The following CPNE5 variants were observed in gnomAD, a reference collection of about 807,000 sequenced individuals.
CPNE5 encodes the protein copine 5, also known as copine-5.
CPNE5 carries 42 observed loss-of-function variants against 81.1 expected under a neutral mutation model. The observed-to-expected ratio is 0.52, with a 90% CI of 0.40 to 0.67. The LOEUF (loss-of-function observed/expected upper bound fraction) is 0.67. CPNE5 is among the 30% of genes least tolerant of loss of function. The pLI is 0.00. For missense variants in CPNE5, 612 were observed against 815.5 expected, an observed-to-expected ratio of 0.75 and a Z score of 3.04; for synonymous variants, 313 against 321.5, an observed-to-expected ratio of 0.97 and a Z score of 0.28.
At position 36,767,078 on chromosome 6, in the gene CPNE5, A is replaced by G. The variant is rs138434100; in HGVS notation, c.738-1702T>C. 2.1e-3 allele frequency among the ~76,000 whole-genome samples: 316 copies of G among 151,950 alleles called. 2 individuals carry two copies. Among genetic ancestry groups the G allele is most frequent in the African/African-American group, 7.2e-3 (297 of 41,426 alleles). Reference sequence around the variant, plus strand: ...ACCATGTTGGCCAGGCTGGCCTCGAACTCCTGACCTCAAGTGATCCACCCG... The same window carrying G: ...ACCATGTTGGCCAGGCTGGCCTCGAGCTCCTGACCTCAAGTGATCCACCCG... On this transcript the variant is annotated intron_variant, in intron 10 of 20. Coordinates refer to ENST00000244751, the MANE Select transcript of CPNE5 (RefSeq NM_020939.2).
chr6:36,795,632 A>G (rs1027962012), intron 6 of CPNE5, among the ~76,000 whole-genome samples: 2 of 152,220 alleles, frequency 1.3e-5, no homozygotes, highest in African/African-American at 4.8e-5. Context: ...GAAAAAGAAG[A>G]CAGCCATCCT....
chr6:36,808,450 G>A (rs1770797440), intron 3 of CPNE5, among the ~76,000 whole-genome samples: 1 of 152,112 alleles, frequency 6.6e-6, no homozygotes, highest in Non-Finnish European at 1.5e-5. Context: ...CCCACCAGCT[G>A]GGAGGCAGCA....
At chr6:36,744,162 G>C in intron 19 of CPNE5, 106 bp downstream of exon 19, 1 of 935,724 alleles carries the variant, frequency 1.1e-6, no homozygotes, top group South Asian at 1.4e-5. Context: ...ACTCTTTTGG[G>C]AGGGGTCATT....
intron 6 of CPNE5, among the ~76,000 whole-genome samples, chr6:36,797,353 G>A (rs572320009): frequency 5.3e-4 from 81 of 152,366 alleles, no homozygotes; most frequent in African/African-American, 1.9e-3. Flanking sequence ...CTGCCCACGA[G>A]TGTCAACCTA....
intron 3 of CPNE5, among the ~76,000 whole-genome samples, chr6:36,807,145 G>C (rs180925759): frequency 1.3e-5 from 2 of 152,340 alleles, no homozygotes; most frequent in East Asian, 3.9e-4. Flanking sequence ...TTCTCAGAGG[G>C]AAGCACGTCT....
chr6:36,759,656 G>A (rs950972615), intron 12 of CPNE5, among the ~76,000 whole-genome samples: 7 of 152,092 alleles, frequency 4.6e-5, no homozygotes, highest in South Asian at 2.1e-4. Flanking sequence ...GGGGTGGGGC[G>A]GGTGTGCAGG....
intron 4 of CPNE5, among the ~76,000 whole-genome samples, chr6:36,799,749 C>T (rs1053192115): frequency 3.9e-5 from 6 of 152,192 alleles, no homozygotes; most frequent in Non-Finnish European, 5.9e-5. Context: ...TTAACTGAGA[C>T]GAACTGGGGT....
intron 8 of CPNE5, among the ~76,000 whole-genome samples, chr6:36,781,157 C>T (rs1219407699): frequency 3.3e-5 from 5 of 152,114 alleles, no homozygotes; most frequent in Admixed American, 3.3e-4. Flanking sequence ...GACAGAATGA[C>T]CTGCCCAAGG....
intron 15 of CPNE5, among the ~76,000 whole-genome samples, chr6:36,747,151 T>C (rs1223931338): frequency 2.0e-5 from 3 of 152,150 alleles, no homozygotes; most frequent in Non-Finnish European, 4.4e-5. Context: ...CCTCTTCAGG[T>C]CTCTGCTCAA....
At chr6:36,836,645 G>C (rs1248386662) in intron 1 of CPNE5, among the ~76,000 whole-genome samples, 3 of 152,154 alleles carry the variant, frequency 2.0e-5, no homozygotes, top group Non-Finnish European at 2.9e-5. Context: ...GGGTGCAGTG[G>C]GGAGGGACTT....
At chr6:36,787,912 T>C (rs1768716014) in intron 8 of CPNE5, among the ~76,000 whole-genome samples, 1 of 151,886 alleles carries the variant, frequency 6.6e-6, no homozygotes, top group Non-Finnish European at 1.5e-5. Context: ...AGCCGGGAAG[T>C]CCTGACTCCA....
intron 9 of CPNE5, among the ~76,000 whole-genome samples, chr6:36,778,397 G>T (rs1296280015): frequency 6.6e-6 from 1 of 152,208 alleles, no homozygotes; most frequent in Non-Finnish European, 1.5e-5. Context: ...GTCCAGACTG[G>T]CCCTGTTGTG....
intron 2 of CPNE5, among the ~76,000 whole-genome samples, chr6:36,822,818 T>C (rs770422757): frequency 1.3e-5 from 2 of 152,086 alleles, no homozygotes; most frequent in Non-Finnish European, 2.9e-5. Context: ...GCCCCAGACC[T>C]CCAACCCCTC....
intron 4 of CPNE5, 59 bp downstream of exon 4, chr6:36,799,908 T>C: frequency 7.9e-7 from 1 of 1,271,590 alleles, no homozygotes; most frequent in African/African-American, 1.5e-5. Context: ...TCTGTGGTCC[T>C]ACCTGCCAGC....
intron 19 of CPNE5, 127 bp downstream of exon 19, chr6:36,744,141 C>A (rs921192105): frequency 7.5e-6 from 6 of 798,422 alleles, no homozygotes; most frequent in African/African-American, 3.4e-5. Flanking sequence ...CACGCCCAGG[C>A]GGGAGCTCTC....
chr6:36,798,384 G>A, intron 5 of CPNE5, 71 bp downstream of exon 5: 2 of 1,555,660 alleles, frequency 1.3e-6, no homozygotes, highest in Admixed American at 1.7e-5. Flanking sequence ...TCACAGCAAA[G>A]CCCCAGGCTC....
In CPNE5 at chr6:36,774,986, C is replaced by A; in HGVS notation, c.712G>T (p.Ala238Ser). 1 of 1,614,080 alleles carries A rather than the reference C, an allele frequency of 6.2e-7. No homozygotes were observed. ...CGATCGTAGTCGCCGTTGCAGAGGG[C>A]TCTCACGGGAATGGAGAAAGTTTGC... Reference protein sequence around the residue: ...VWQTFSIPVRALCNGDYDRTI... With the variant: ...VWQTFSIPVRSLCNGDYDRTI... Residue 238 changes from alanine (A) to serine (S), a missense_variant, in exon 10 of 21, where the codon GCC (alanine) becomes TCC (serine). Ala to Ser is a moderately conservative substitution (Grantham distance 99). Coordinates refer to ENST00000244751, the MANE Select transcript of CPNE5 (RefSeq NM_020939.2).
Position 36,746,463 on chromosome 6 carries a change from A to C in CPNE5, c.1133T>G (p.Met378Arg). ...GGCCCCGAAGCCCAGGGCAGGGAACATCTTGTCACTGTCGTAGTGCTGGAT... is the reference window on the plus strand; with the variant it reads ...GGCCCCGAAGCCCAGGGCAGGGAACCTCTTGTCACTGTCGTAGTGCTGGAT... ...EIIQHYDSDK[M>R]FPALGFGAKL... is the part of the protein sequence containing the mutation. Residue 378 changes from methionine (M) to arginine (R), a missense_variant, in exon 16 of 21, where the codon ATG (methionine) becomes AGG (arginine). Physicochemically the swap from Met to Arg is moderately conservative, Grantham distance 91. Coordinates refer to ENST00000244751, the MANE Select transcript of CPNE5 (RefSeq NM_020939.2). This position sits in a 1 kb window ranked among gnomAD's most constrained non-coding sequence, Gnocchi z 4.5. The C allele has an allele frequency of 6.2e-7, 1 of 1,613,524 alleles. No homozygotes were observed. The highest frequency in any genetic ancestry group is 8.5e-7 in the Non-Finnish European group (1 of 1,179,704).
chr6:36,803,556 C>A (rs1770321470), intron 3 of CPNE5, among the ~76,000 whole-genome samples: 1 of 152,180 alleles, frequency 6.6e-6, no homozygotes, highest in Admixed American at 6.5e-5. Flanking sequence ...TGAACACATG[C>A]AATGCACCAG....
Sources: allele counts gnomAD v4.1 joint callset (sites outside exome capture counted in the v4.1 genomes callset), GRCh38; gene constraint gnomAD v4.1.1; non-coding constraint Gnocchi (gnomAD v3.1); transcripts MANE v1.5; gene names NCBI Gene and HGNC (gene_info 2026-07-23, HGNC 2026-07-21).